The following SGCG variants were observed in gnomAD, a reference collection of about 807,000 sequenced individuals.
The protein encoded by SGCG is sarcoglycan gamma.
In SGCG, 26 loss-of-function variants were observed where a neutral mutation model predicts 29.3. The ratio of observed to expected loss-of-function variants is 0.89; its 90% CI spans 0.65 to 1.23. SGCG has a LOEUF of 1.23. Ranked by LOEUF, SGCG falls within the 50% of genes most tolerant of loss-of-function variation. The pLI, the probability that SGCG is intolerant of heterozygous loss-of-function variation, is 0.00. For missense variants in SGCG, 353 were observed against 356.0 expected (o/e 0.99, Z 0.07); for synonymous variants, 145 against 129.7 (o/e 1.12, Z -0.80).
At chr13:23,305,277 C>T (rs954549367) in intron 6 of SGCG, among the ~76,000 whole-genome samples, 2 of 152,110 alleles carry the variant, frequency 1.3e-5, no homozygotes, top group African/African-American at 4.8e-5. Context: ...GTGTTTTCCA[C>T]ATTTATTTGT....
chr13:23,315,148 C>T (rs1171701092), intron 6 of SGCG, among the ~76,000 whole-genome samples: 5 of 152,266 alleles, frequency 3.3e-5, no homozygotes, highest in African/African-American at 1.2e-4. Flanking sequence ...TGGAGCAAGG[C>T]CCTGCCATCT....
intron 4 of SGCG, among the ~76,000 whole-genome samples, chr13:23,278,391 G>A (rs1226157196): frequency 2.0e-5 from 3 of 151,282 alleles, no homozygotes; most frequent in Non-Finnish European, 2.9e-5. Context: ...TGCAGCGAGC[G>A]GAGATCGCAC....
At chr13:23,235,107 G>A (rs963561323) in intron 3 of SGCG, among the ~76,000 whole-genome samples, 3 of 152,134 alleles carry the variant, frequency 2.0e-5, no homozygotes, top group East Asian at 1.9e-4. Context: ...GGTGGCTCAC[G>A]CCTGTAATCC....
At chr13:23,215,800 T>TAA (rs34236900) in intron 2 of SGCG, among the ~76,000 whole-genome samples, 8 of 145,832 alleles carry the variant, frequency 5.5e-5, no homozygotes, top group East Asian at 4.0e-4. Context: ...AGCTGAGAGT[T>TAA]AAAAAAAAAA....
chr13:23,300,393 T>C (rs1882106315), intron 6 of SGCG, among the ~76,000 whole-genome samples: 1 of 152,198 alleles, frequency 6.6e-6, no homozygotes, highest in Admixed American at 6.5e-5. Context: ...GACTAGCTGC[T>C]GAGACATTAA....
At chr13:23,188,866 C>T (rs554096443) in intron 1 of SGCG, among the ~76,000 whole-genome samples, 1 of 152,284 alleles carries the variant, frequency 6.6e-6, no homozygotes, top group East Asian at 1.9e-4. Context: ...CCTGGTGCCA[C>T]GCCAATCTAC....
intron 6 of SGCG, among the ~76,000 whole-genome samples, chr13:23,314,351 A>G (rs1325982325): frequency 8.2e-6 from 1 of 122,126 alleles, no homozygotes; most frequent in African/African-American, 3.2e-5. Context: ...ATGCTTCTAA[A>G]TTTTTTAAAT....
chr13:23,263,162 C>CA (rs59432703), intron 4 of SGCG, among the ~76,000 whole-genome samples: 16 of 148,634 alleles, frequency 1.1e-4, no homozygotes, highest in East Asian at 4.0e-4. Flanking sequence ...AGAGCAGAAA[C>CA]AAAAAAAAAA....
At chr13:23,295,796 C>T (rs1881883684) in intron 6 of SGCG, among the ~76,000 whole-genome samples, 4 of 152,194 alleles carry the variant, frequency 2.6e-5, no homozygotes, top group Admixed American at 1.3e-4. Context: ...AATGCTTCAT[C>T]GCTCCCACAT....
intron 1 of SGCG, among the ~76,000 whole-genome samples, chr13:23,186,226 A>G (rs1205784981): frequency 6.6e-6 from 1 of 152,198 alleles, no homozygotes; most frequent in Non-Finnish European, 1.5e-5. Context: ...AACCAGTCCC[A>G]ATGCACTTGT....
chr13:23,174,538 A>G, the SGCG span, among the ~76,000 whole-genome samples: 1 of 152,212 alleles, frequency 6.6e-6, no homozygotes, highest in Non-Finnish European at 1.5e-5. Context: ...ATTAAAAATA[A>G]AAGTCAGGAG....
chr13:23,271,422 A>T (rs1311838382), intron 4 of SGCG, among the ~76,000 whole-genome samples: 2 of 152,060 alleles, frequency 1.3e-5, no homozygotes, highest in Non-Finnish European at 2.9e-5. Flanking sequence ...TAAAAAAAAA[A>T]TTGCAAATTA....
intron 1 of SGCG, among the ~76,000 whole-genome samples, chr13:23,181,753 G>A (rs9317535): frequency 0.21 from 32,192 of 152,092 alleles, 4,057 homozygotes; most frequent in East Asian, 0.32. Flanking sequence ...CTTTCTTTGC[G>A]TTTTCTAAAT....
chr13:23,228,927 G>A (rs909226565), intron 2 of SGCG, among the ~76,000 whole-genome samples: 1 of 152,198 alleles, frequency 6.6e-6, no homozygotes. Context: ...CTGGAGTGCA[G>A]TGGCACGATC....
chr13:23,224,418 A>G (rs141265330), intron 2 of SGCG, among the ~76,000 whole-genome samples: 1 of 152,312 alleles, frequency 6.6e-6, no homozygotes, highest in East Asian at 1.9e-4. Flanking sequence ...CTAGTCTAAT[A>G]CAGTAGAATT....
At chr13:23,311,196 G>A (rs917285496) in intron 6 of SGCG, among the ~76,000 whole-genome samples, 4 of 152,060 alleles carry the variant, frequency 2.6e-5, no homozygotes, top group Non-Finnish European at 4.4e-5. Flanking sequence ...ACTCATTAGT[G>A]CACTTTTGAT....
intron 2 of SGCG, among the ~76,000 whole-genome samples, chr13:23,211,369 C>A (rs1018563238): frequency 3.9e-5 from 6 of 152,112 alleles, no homozygotes; most frequent in African/African-American, 1.2e-4. Flanking sequence ...CAGGAAAGGT[C>A]CCTCCTGCAT....
intron 2 of SGCG, among the ~76,000 whole-genome samples, chr13:23,228,089 C>T (rs1283928410): frequency 6.6e-6 from 1 of 151,994 alleles, no homozygotes; most frequent in Non-Finnish European, 1.5e-5. Context: ...CCACAGCACC[C>T]GGCCACAGGG....
intron 2 of SGCG, among the ~76,000 whole-genome samples, chr13:23,230,583 T>C (rs551254468): frequency 6.6e-6 from 1 of 152,320 alleles, no homozygotes; most frequent in Admixed American, 6.5e-5. Flanking sequence ...GCCCTCAGCT[T>C]AGGGGTGCTG....
Sources: gnomAD v4.1 joint callset for allele counts (sites outside exome capture counted in the v4.1 genomes callset) on GRCh38, gnomAD v4.1.1 for gene constraint, MANE v1.5 for transcripts, NCBI Gene and HGNC (gene_info 2026-07-23, HGNC 2026-07-21) for gene names.